Variants in SACS observed in about 807,000 individuals in gnomAD.
The protein encoded by SACS is sacsin molecular chaperone.
Under a neutral mutation model 348.0 loss-of-function variants are expected in SACS, and 197 were observed. That is an observed-to-expected ratio of 0.57 (90% CI 0.50 to 0.64). SACS has a LOEUF of 0.64. Among genes scored for constraint, SACS ranks in the 30% least tolerant of loss-of-function variants. SACS has a pLI of 0.00. For synonymous variants in SACS, 1,985 were observed against 1,910.6 expected (o/e 1.04, Z -1.02); for missense variants, 4,999 against 5,360.8 (o/e 0.93, Z 2.11).
Position 23,355,835 on chromosome 13 carries a change from T to C in SACS, c.777A>G (p.Glu259=), listed in dbSNP as rs1405269976. ...PFVGIFGSTK[E]TFINGNFPGT... is the part of the protein sequence containing the mutation. The stretch of plus-strand genomic sequence containing the variant: ...CTGGAAAATTGCCGTTTATAAATGT[T>C]TCCTTGGTGCTTCCAAAAATGCCAA... The change falls in exon 8 of 10, where the codon GAA becomes GAG. Residue 259 remains glutamate (E), a synonymous_variant. Coordinates refer to ENST00000382292, the MANE Select transcript of SACS (RefSeq NM_014363.6). The C allele has an allele frequency of 1.2e-6, 2 of 1,614,220 alleles. No individual in the cohort carries two copies. Among genetic ancestry groups the C allele is most frequent in the African/African-American group, 2.7e-5 (2 of 75,060 alleles).
In SACS at chr13:23,335,875, A is replaced by G. The variant is rs2137595592; in HGVS notation, c.8001T>C (p.Phe2667=). 6.2e-7 allele frequency: 1 copy of G among 1,613,958 alleles called. No homozygotes were observed. Among genetic ancestry groups the G allele is most frequent in the African/African-American group, 1.3e-5 (1 of 75,054 alleles). ...TCCTAAAATCTGCATCCAAATCTCTAAACATGCGTCCGGGACTAATGGATG... is the reference window on the plus strand; with the variant it reads ...TCCTAAAATCTGCATCCAAATCTCTGAACATGCGTCCGGGACTAATGGATG... ...GATSISPGRM[F]RDLDADFRTQ... Residue 2667 remains phenylalanine, a synonymous_variant, in exon 10 of 10, where the codon TTT becomes TTC. Transcript: ENST00000382292. The surrounding 1 kb of genome is among the most constrained non-coding windows in gnomAD (Gnocchi z 4.7).
intron 1 of SACS, among the ~76,000 whole-genome samples, chr13:23,430,300 T>TAA (rs1433747119): frequency 6.6e-6 from 1 of 152,182 alleles, no homozygotes; most frequent in Non-Finnish European, 1.5e-5. Flanking sequence ...GTTTGAAGCT[T>TAA]AAAGACCTAA....
At position 23,387,386 on chromosome 13, in the gene SACS, C is replaced by T. The variant is rs1872335410; in HGVS notation, c.21-12117G>A. 3.5e-5 allele frequency among the ~76,000 whole-genome samples: 5 copies of T among 144,304 alleles called. No individual in the cohort carries two copies. The South Asian group carries it at 1.1e-3, about 33-fold the overall frequency. 94.7% of individuals were successfully genotyped at this position (144,304 alleles called of 152,430 possible). On this transcript the variant is annotated intron_variant, in intron 2 of 9. Coordinates refer to ENST00000382292, the MANE Select transcript of SACS (RefSeq NM_014363.6). ...CTGAAGCAGGAGAATGGCGTGAACC[C>T]GGGAGGCGGAGCTTGCAGTGAGCAG... is the stretch of plus-strand genomic sequence containing the variant.
Position 23,332,595 on chromosome 13 carries a change from A to T in SACS, c.11281T>A (p.Leu3761Met). ...NCRNICNITT[L>M]DEEMVKTRAK... ...CTAGTTTTTACCATTTCTTCATCCA[A>T]CGTCGTTATGTTGCATATGTTTCTG... The change falls in exon 10 of 10, where the codon TTG becomes ATG. Residue 3761 changes from leucine to methionine, a missense_variant. This residue lies in a region of SACS where 831 missense variants were observed against 941.8 expected (regional missense o/e 0.88). Transcript: ENST00000382292. 6.2e-7 allele frequency: 1 copy of T among 1,613,650 alleles called. No homozygotes were observed. Among genetic ancestry groups the T allele is most frequent in the Non-Finnish European group, 8.5e-7 (1 of 1,179,902 alleles).
At chr13:23,391,221 T>C (rs988642014) in intron 2 of SACS, among the ~76,000 whole-genome samples, 14 of 152,234 alleles carry the variant, frequency 9.2e-5, no homozygotes, top group Non-Finnish European at 1.9e-4. Flanking sequence ...ATGATAAAAT[T>C]CTTAAAAAGA....
At chr13:23,398,317 G>C (rs1002676790) in intron 2 of SACS, among the ~76,000 whole-genome samples, 2 of 152,090 alleles carry the variant, frequency 1.3e-5, no homozygotes, top group African/African-American at 4.8e-5. Context: ...CAGATCACCT[G>C]AGGTCAGGAG....
chr13:23,393,011 C>T (rs76616090), intron 2 of SACS, among the ~76,000 whole-genome samples: 1 of 152,124 alleles, frequency 6.6e-6, no homozygotes, highest in African/African-American at 2.4e-5. Context: ...CCAACCCTCA[C>T]CACCCCACCC....
In SACS at chr13:23,329,417, C is replaced by T. The variant is rs1384396847; in HGVS notation, c.*719G>A. On this transcript the variant is annotated 3_prime_UTR_variant, in exon 10 of 10. Coordinates refer to ENST00000382292, the MANE Select transcript of SACS (RefSeq NM_014363.6). ...TGGCAAGCAGTTTCCAGAAACAATACTAACAACTGGTAATAAGAACTGCCA... is the reference window on the plus strand; with the variant it reads ...TGGCAAGCAGTTTCCAGAAACAATATTAACAACTGGTAATAAGAACTGCCA... 5.2e-6 allele frequency: 4 copies of T among 766,924 alleles called. No homozygotes were observed. The Admixed American group carries it at 7.1e-5, about 14-fold the overall frequency. 47.5% of individuals were successfully genotyped at this position (766,924 alleles called of 1,614,324 possible).
At chr13:23,409,546 C>T (rs1222898468) in intron 2 of SACS, among the ~76,000 whole-genome samples, 1 of 149,586 alleles carries the variant, frequency 6.7e-6, no homozygotes, top group Non-Finnish European at 1.5e-5. Context: ...CGGGGTTTTG[C>T]CATGTTGGTC....
At chr13:23,407,520 TAAATGTCTGACTTATTG>T (rs1359696917) in intron 2 of SACS, among the ~76,000 whole-genome samples, 2 of 152,006 alleles carry the variant, frequency 1.3e-5, no homozygotes, top group African/African-American at 2.4e-5. Flanking sequence ...TTGTTTTTCA[TAAATGTCTGACTTATTG>T]AAGCATCCAG....
chr13:23,409,354 GTT>G (rs542678644), intron 2 of SACS, among the ~76,000 whole-genome samples: 17 of 105,644 alleles, frequency 1.6e-4, no homozygotes, highest in East Asian at 6.1e-4. Flanking sequence ...CGCGCTGGCC[GTT>G]TTTTTTTTTT....
intron 7 of SACS, among the ~76,000 whole-genome samples, chr13:23,356,226 T>C (rs1466989356): frequency 6.6e-6 from 1 of 152,224 alleles, no homozygotes; most frequent in Non-Finnish European, 1.5e-5. Context: ...ATAGAGACTT[T>C]GCATGATTAC....
In SACS at chr13:23,336,402, C is replaced by T. The variant is rs1252114722; in HGVS notation, c.7474G>A (p.Val2492Ile). The stretch of plus-strand genomic sequence containing the variant: ...GGGACTGCTCCTAGTTTTACTGCTA[C>T]TTCCCTGGGTATGTCAGCATGACAA... Reference protein sequence around the residue: ...KYCHADIPREVAVKLGAVPKR... With the variant: ...KYCHADIPREIAVKLGAVPKR... Residue 2492 changes from valine (V) to isoleucine (I), a missense_variant, in exon 10 of 10, where the codon GTA becomes ATA. Coordinates refer to ENST00000382292, the MANE Select transcript of SACS (RefSeq NM_014363.6). The T allele has an allele frequency of 6.2e-7, 1 of 1,613,990 alleles. No homozygotes were observed. Among genetic ancestry groups the T allele is most frequent in the Non-Finnish European group, 8.5e-7 (1 of 1,179,954 alleles).
At chr13:23,369,040 G>A (rs988353568) in intron 4 of SACS, among the ~76,000 whole-genome samples, 1 of 152,160 alleles carries the variant, frequency 6.6e-6, no homozygotes, top group Non-Finnish European at 1.5e-5. Context: ...CTCAAAAAAT[G>A]TTCAAAAATA....
Position 23,334,673 on chromosome 13 carries a change from T to A in SACS, c.9203A>T (p.Asn3068Ile). Residue 3068 changes from asparagine to isoleucine, a missense_variant, in exon 10 of 10, where the codon AAC (asparagine) becomes ATC (isoleucine). Asn to Ile is a moderately radical substitution (Grantham distance 149). This residue lies in a region of SACS where 734 missense variants were observed against 694.0 expected (regional missense o/e 1.06). Transcript: ENST00000382292. ...LKHLLLEIGFNLVYNCDETAN... is the reference protein window; with the variant it reads ...LKHLLLEIGFILVYNCDETAN... ...AGTTTCATCACAGTTATAAACCAAG[T>A]TGAAACCAATTTCTAAAAGGAGATG... 1.2e-6 allele frequency: 2 copies of A among 1,613,714 alleles called. No homozygotes were observed. The highest frequency in any genetic ancestry group is 1.7e-6 in the Non-Finnish European group (2 of 1,179,722).
At chr13:23,376,897 C>A (rs1871831046) in intron 2 of SACS, among the ~76,000 whole-genome samples, 1 of 152,114 alleles carries the variant, frequency 6.6e-6, no homozygotes. Context: ...ACTAAAAATA[C>A]AAAAATAAGC....
chr13:23,336,461 G>A lies in SACS; in HGVS notation c.7415C>T (p.Pro2472Leu), dbSNP rs1232878176. Residue 2472 changes from proline (P) to leucine (L), a missense_variant, in exon 10 of 10, where the codon CCT (proline) becomes CTT (leucine). Around this residue, in one of 6 missense-constraint regions of SACS, gnomAD observed 3,156 missense variants for 3,380.1 expected, o/e 0.93. Transcript: ENST00000382292. ...AGTGGTATCCTTTACTTTTATCCAAGGGCAATCATTGTAGCATAACGATTT... is the reference window on the plus strand; with the variant it reads ...AGTGGTATCCTTTACTTTTATCCAAAGGCAATCATTGTAGCATAACGATTT... ...PAKSLCYNDC[P>L]WIKVKDTTVK... 7.4e-6 allele frequency: 12 copies of A among 1,613,898 alleles called. No homozygotes were observed. Among genetic ancestry groups the A allele is most frequent in the East Asian group, 2.2e-5 (1 of 44,886 alleles).
intron 2 of SACS, among the ~76,000 whole-genome samples, chr13:23,407,746 G>A (rs1352540098): frequency 6.6e-6 from 1 of 152,150 alleles, no homozygotes; most frequent in Non-Finnish European, 1.5e-5. Flanking sequence ...TTTTGACACG[G>A]CATTGTCTTC....
chr13:23,336,960 C>G lies in SACS; in HGVS notation c.6916G>C (p.Asp2306His), dbSNP rs774382218. The G allele has an allele frequency of 1.2e-6, 2 of 1,613,944 alleles. No homozygotes were observed. Among genetic ancestry groups the G allele is most frequent in the Admixed American group, 3.3e-5 (2 of 60,014 alleles). The change falls in exon 10 of 10, where the codon GAT becomes CAT. Residue 2306 changes from aspartate to histidine, a missense_variant. By Grantham distance (81) the Asp-to-His change is moderately conservative. This residue lies in a region of SACS where 3,156 missense variants were observed against 3,380.1 expected (regional missense o/e 0.93). Transcript: ENST00000382292. Reference protein sequence around the residue: ...QLKEVAKSVDDGITLYQENIT... With the variant: ...QLKEVAKSVDHGITLYQENIT... ...TTCTCCTGGTACAGTGTAATTCCATCATCAACTGATTTTGCTACTTCTTTC... is the reference window on the plus strand; with the variant it reads ...TTCTCCTGGTACAGTGTAATTCCATGATCAACTGATTTTGCTACTTCTTTC...
Sources: gnomAD v4.1 joint callset for allele counts (sites outside exome capture counted in the v4.1 genomes callset) on GRCh38, gnomAD v4.1.1 for gene constraint, gnomAD v4.1.1 regional missense constraint, Gnocchi (gnomAD v3.1) non-coding constraint, MANE v1.5 for transcripts, NCBI Gene and HGNC (gene_info 2026-07-23, HGNC 2026-07-21) for gene names.